CNTNAP2: variants seen among roughly 807,000 people sequenced by gnomAD.
The protein encoded by CNTNAP2 is contactin-associated protein-like 2.
Under a neutral mutation model 155.2 loss-of-function variants are expected in CNTNAP2, and 98 were observed. That is an observed-to-expected ratio of 0.63 (90% CI 0.54 to 0.75). The LOEUF (loss-of-function observed/expected upper bound fraction) is 0.75, where lower values mean the gene tolerates loss of function less well. Ranked by LOEUF, CNTNAP2 falls within the 30% of genes least tolerant of loss-of-function variation. The pLI is 0.00. For missense variants in CNTNAP2, 1,727 were observed against 1,688.1 expected, an observed-to-expected ratio of 1.02 and a Z score of -0.40; for synonymous variants, 651 against 631.2, an observed-to-expected ratio of 1.03 and a Z score of -0.47.
At chr7:147,983,069 C>T (rs929096694) in intron 15 of CNTNAP2, among the ~76,000 whole-genome samples, 7 of 149,026 alleles carry the variant, frequency 4.7e-5, no homozygotes, top group Non-Finnish European at 8.9e-5. Context: ...GGCAATGCCT[C>T]GGTCTCCACG....
At chr7:148,053,919 G>A (rs1802955145) in intron 15 of CNTNAP2, among the ~76,000 whole-genome samples, 2 of 151,722 alleles carry the variant, frequency 1.3e-5, no homozygotes, top group South Asian at 4.2e-4. Flanking sequence ...TAATGGAAAA[G>A]GCTGAGAGCT....
At position 147,295,216 on chromosome 7, in the gene CNTNAP2, A is replaced by G. The variant is rs1186472632; in HGVS notation, c.1349-4925A>G. 2.0e-5 allele frequency among the ~76,000 whole-genome samples: 3 copies of G among 152,002 alleles called. 1 individual carries two copies. The highest frequency in any genetic ancestry group is 4.4e-5 in the Non-Finnish European group (3 of 67,994). On this transcript the variant is annotated intron_variant, in intron 8 of 23. Transcript: ENST00000361727. ...AACTGAGCACTTCTCCAGATGTGGTAGCAAATGGAAGTGTGTGTGCGCATG... is the reference window on the plus strand; with the variant it reads ...AACTGAGCACTTCTCCAGATGTGGTGGCAAATGGAAGTGTGTGTGCGCATG...
intron 21 of CNTNAP2, among the ~76,000 whole-genome samples, chr7:148,281,412 T>C (rs1268149293): frequency 2.0e-5 from 3 of 152,234 alleles, no homozygotes; most frequent in African/African-American, 7.2e-5. Context: ...TCTGGTCAGT[T>C]GCCTTTGCGT....
intron 17 of CNTNAP2, among the ~76,000 whole-genome samples, chr7:148,152,250 G>A (rs1391169635): frequency 2.0e-5 from 3 of 151,872 alleles, no homozygotes; most frequent in African/African-American, 7.3e-5. Context: ...GCCTCTCTGA[G>A]GACTCAGAGG....
At chr7:147,394,807 T>TG (rs1796782791) in intron 9 of CNTNAP2, among the ~76,000 whole-genome samples, 3 of 139,286 alleles carry the variant, frequency 2.2e-5, no homozygotes, top group Admixed American at 1.4e-4. Flanking sequence ...ATCAACAGTA[T>TG]TGTGTGTGTG....
chr7:147,295,598 G>A (rs760285699), intron 8 of CNTNAP2, among the ~76,000 whole-genome samples: 2 of 152,078 alleles, frequency 1.3e-5, no homozygotes, highest in Non-Finnish European at 2.9e-5. Context: ...TATATATGCT[G>A]ACATATAAAA....
chr7:147,728,819 C>T (rs1796687386), intron 13 of CNTNAP2, among the ~76,000 whole-genome samples: 1 of 151,506 alleles, frequency 6.6e-6, no homozygotes, highest in African/African-American at 2.4e-5. Flanking sequence ...GGGCCTAGAG[C>T]CAAGGAAAAA....
chr7:147,009,690 A>G (rs1798589859), intron 3 of CNTNAP2, among the ~76,000 whole-genome samples: 1 of 152,178 alleles, frequency 6.6e-6, no homozygotes, highest in African/African-American at 2.4e-5. Context: ...ATCTAGTAGA[A>G]TATTTATCAA....
At chr7:146,345,248 T>A (rs536633041) in intron 1 of CNTNAP2, among the ~76,000 whole-genome samples, 1 of 152,228 alleles carries the variant, frequency 6.6e-6, no homozygotes, top group African/African-American at 2.4e-5. Flanking sequence ...ATTTAAGCTA[T>A]GTTTTTCACT....
At chr7:148,178,980 TA>T (rs1794989550) in intron 18 of CNTNAP2, among the ~76,000 whole-genome samples, 1 of 152,214 alleles carries the variant, frequency 6.6e-6, no homozygotes, top group African/African-American at 2.4e-5. Flanking sequence ...GGCAGTGTCC[TA>T]AAATGTCATT....
intron 21 of CNTNAP2, among the ~76,000 whole-genome samples, chr7:148,301,520 G>T (rs111927230): frequency 1.6e-4 from 25 of 152,162 alleles, no homozygotes; most frequent in Middle Eastern, 3.4e-3. Context: ...ATGGGGTTTA[G>T]CAGCAAGTTG....
At chr7:147,772,487 C>CAAAA (rs1176053630) in intron 13 of CNTNAP2, among the ~76,000 whole-genome samples, 3 of 91,372 alleles carry the variant, frequency 3.3e-5, no homozygotes, top group African/African-American at 1.5e-4. Flanking sequence ...TATATATACA[C>CAAAA]ACACAAAAAA....
rs57422437 is a variant in CNTNAP2, at chr7:147,949,440, G to GTATA, written c.2256-28406_2256-28403dup. Among the ~76,000 whole-genome samples, 44 of 127,392 alleles carry GTATA rather than the reference G, an allele frequency of 3.5e-4. 1 individual carries two copies. Among genetic ancestry groups the GTATA allele is most frequent in the Non-Finnish European group, 6.2e-4 (36 of 57,980 alleles). 83.6% of individuals were successfully genotyped at this position (127,392 alleles called of 152,430 possible). A position where few individuals can be genotyped will look rare whatever the true frequency, so the allele number is the denominator to read the frequency against. ...TGTGTTGTTCAAGGATCAACTGTGTGTATATATATATATATATATTTTTTT... is the reference window on the plus strand; with the variant it reads ...TGTGTTGTTCAAGGATCAACTGTGTGTATATATATATATATATATATATTTTTTT... On this transcript the variant is annotated intron_variant, in intron 14 of 23. Transcript: ENST00000361727.
At chr7:146,971,785 A>ACCCCACCTGCTAATAC (rs1029505945) in intron 3 of CNTNAP2, among the ~76,000 whole-genome samples, 9 of 151,950 alleles carry the variant, frequency 5.9e-5, no homozygotes, top group African/African-American at 2.2e-4. Context: ...TTCCCATAAG[A>ACCCCACCTGCTAATAC]CCCCACCTGC....
intron 9 of CNTNAP2, among the ~76,000 whole-genome samples, chr7:147,353,710 A>C (rs1372408646): frequency 6.6e-6 from 1 of 152,106 alleles, no homozygotes; most frequent in Non-Finnish European, 1.5e-5. Context: ...TAGATCCTTG[A>C]GGAATGGCCA....
At chr7:147,320,815 G>A (rs781524730) in intron 9 of CNTNAP2, among the ~76,000 whole-genome samples, 11 of 152,140 alleles carry the variant, frequency 7.2e-5, no homozygotes, top group Non-Finnish European at 1.3e-4. Context: ...AAGCCATATC[G>A]TGATCCTATC....
At chr7:148,082,303 G>A (rs149553100) in intron 15 of CNTNAP2, among the ~76,000 whole-genome samples, 1 of 152,210 alleles carries the variant, frequency 6.6e-6, no homozygotes, top group Non-Finnish European at 1.5e-5. Flanking sequence ...AGATGACAAG[G>A]GCTGAAGGGC....
At chr7:146,710,783 C>G (rs1369642788) in intron 1 of CNTNAP2, among the ~76,000 whole-genome samples, 1 of 152,086 alleles carries the variant, frequency 6.6e-6, no homozygotes, top group East Asian at 1.9e-4. Context: ...AATTTAAAAT[C>G]AGTCACCATT....
intron 4 of CNTNAP2, among the ~76,000 whole-genome samples, chr7:147,100,977 C>T (rs1227635468): frequency 6.6e-6 from 1 of 152,132 alleles, no homozygotes; most frequent in African/African-American, 2.4e-5. Flanking sequence ...TTCACACAGG[C>T]AGGCTTTCTA....
Sources: gnomAD v4.1 joint callset for allele counts (sites outside exome capture counted in the v4.1 genomes callset) on GRCh38, gnomAD v4.1.1 for gene constraint, MANE v1.5 for transcripts, NCBI Gene and HGNC (gene_info 2026-07-23, HGNC 2026-07-21) for gene names.